The following SYN3 variants were observed in gnomAD, a reference collection of about 807,000 sequenced individuals.
SYN3 encodes synapsin III.
In SYN3, 35 loss-of-function variants were observed where a neutral mutation model predicts 65.8. That is an observed-to-expected ratio of 0.53 (90% CI 0.41 to 0.70). The LOEUF (loss-of-function observed/expected upper bound fraction) is 0.70, where lower values mean the gene tolerates loss of function less well. Among genes scored for constraint, SYN3 ranks in the 30% least tolerant of loss-of-function variants. The probability of loss-of-function intolerance (pLI) is 0.00; values close to 1 mark genes in which losing one functional copy is unlikely to be tolerated. For missense variants in SYN3, 680 were observed against 749.0 expected (o/e 0.91, Z 1.08); for synonymous variants, 270 against 292.9 (o/e 0.92, Z 0.80).
intron 6 of SYN3, among the ~76,000 whole-genome samples, chr22:32,826,116 T>G (rs2047404427): frequency 6.6e-6 from 1 of 152,208 alleles, no homozygotes; most frequent in African/African-American, 2.4e-5. Context: ...TTTAGTGAAG[T>G]TGTATTACTT....
intron 6 of SYN3, among the ~76,000 whole-genome samples, chr22:32,805,387 C>T (rs1030929103): frequency 6.6e-6 from 1 of 152,194 alleles, no homozygotes; most frequent in African/African-American, 2.4e-5. Flanking sequence ...GATCCATCCC[C>T]TCTCCCTCTT....
At chr22:32,975,590 C>T (rs2052161309) in intron 3 of SYN3, among the ~76,000 whole-genome samples, 1 of 152,154 alleles carries the variant, frequency 6.6e-6, no homozygotes, top group Admixed American at 6.5e-5. Flanking sequence ...CTGCAACCAG[C>T]CGAACCTGCA....
intron 4 of SYN3, among the ~76,000 whole-genome samples, chr22:32,903,135 T>C (rs1391699002): frequency 1.3e-5 from 2 of 152,030 alleles, no homozygotes; most frequent in Non-Finnish European, 2.9e-5. Context: ...AGCTATAGAG[T>C]CCATGCTCTG....
intron 6 of SYN3, among the ~76,000 whole-genome samples, chr22:32,856,758 T>TA (rs1209825063): frequency 2.0e-5 from 3 of 152,318 alleles, no homozygotes; most frequent in African/African-American, 7.2e-5. Context: ...CACTGGGTCT[T>TA]ACTTGTTCTG....
chr22:32,543,077 C>T (rs2058284331), intron 7 of SYN3, among the ~76,000 whole-genome samples: 1 of 152,140 alleles, frequency 6.6e-6, no homozygotes, highest in Non-Finnish European at 1.5e-5. Context: ...CACGTCCTTC[C>T]GATCTTCCTC....
At chr22:32,667,782 T>TTTTC (rs370360732) in intron 6 of SYN3, among the ~76,000 whole-genome samples, 7 of 146,752 alleles carry the variant, frequency 4.8e-5, no homozygotes, top group East Asian at 4.2e-4. Context: ...AGGAGATCAC[T>TTTTC]TTTCTTTCTT....
At chr22:32,870,237 TAAC>T (rs898376486) in intron 4 of SYN3, among the ~76,000 whole-genome samples, 2 of 152,228 alleles carry the variant, frequency 1.3e-5, no homozygotes, top group African/African-American at 4.8e-5. Flanking sequence ...AGGAAACTCC[TAAC>T]AACCTTTGTA....
At chr22:32,778,524 C>T (rs2045960993) in intron 6 of SYN3, among the ~76,000 whole-genome samples, 1 of 152,082 alleles carries the variant, frequency 6.6e-6, no homozygotes, top group African/African-American at 2.4e-5. Context: ...GAACTCCTGA[C>T]CTTGTGATCC....
At chr22:32,604,848 G>A (rs569595642) in intron 6 of SYN3, among the ~76,000 whole-genome samples, 22 of 148,802 alleles carry the variant, frequency 1.5e-4, no homozygotes, top group East Asian at 7.8e-4. Context: ...TACTAAAAAT[G>A]CAAAAAAATT....
chr22:32,711,305 C>T (rs553014947), intron 6 of SYN3, among the ~76,000 whole-genome samples: 1 of 152,206 alleles, frequency 6.6e-6, no homozygotes, highest in South Asian at 2.1e-4. Flanking sequence ...CATGGGGAGA[C>T]GATCTGAACC....
At chr22:32,785,755 C>G (rs1400252552) in intron 6 of SYN3, among the ~76,000 whole-genome samples, 4 of 152,138 alleles carry the variant, frequency 2.6e-5, no homozygotes, top group Admixed American at 6.6e-5. Flanking sequence ...CACTCATGGC[C>G]CGCTGAGATG....
At chr22:32,757,206 G>A (rs1386998737) in intron 6 of SYN3, among the ~76,000 whole-genome samples, 1 of 151,974 alleles carries the variant, frequency 6.6e-6, no homozygotes, top group Non-Finnish European at 1.5e-5. Context: ...TAGTTCCAGA[G>A]GGAGGAACAC....
rs1395529000 is a variant in SYN3, at chr22:33,045,216, G to A, written c.-163+13076C>T. On this transcript the variant is annotated intron_variant, in intron 1 of 13. Coordinates refer to ENST00000358763, the MANE Select transcript of SYN3 (RefSeq NM_003490.4). ...GCTAGCCTTGCAAACCTGACACTTA[G>A]TAATTTGGCCCTCACCTCTGCTCCC... Among the ~76,000 whole-genome samples, 4 of 152,136 alleles carry A rather than the reference G, an allele frequency of 2.6e-5. No homozygotes were observed. The East Asian group carries it at 7.7e-4, about 29-fold the overall frequency.
At chr22:32,776,946 G>A (rs2045921924) in intron 6 of SYN3, among the ~76,000 whole-genome samples, 1 of 152,008 alleles carries the variant, frequency 6.6e-6, no homozygotes, top group South Asian at 2.1e-4. Context: ...AGTGCCCGTG[G>A]GTGAACTCAC....
chr22:32,724,411 C>A (rs1181432023), intron 6 of SYN3, among the ~76,000 whole-genome samples: 1 of 152,016 alleles, frequency 6.6e-6, no homozygotes, highest in Non-Finnish European at 1.5e-5. Context: ...GTCAGAAGAC[C>A]AGAGTTCAAC....
rs531387784 is a variant in SYN3, at chr22:32,926,336, A to G, written c.461+5054T>C. ...GTGCTATGAAGAAGTACATGAAAGT[A>G]TATATTTAGCATTATTCTCCTAATC... On this transcript the variant is annotated intron_variant, in intron 4 of 13. Transcript: ENST00000358763. Among the ~76,000 whole-genome samples the G allele has an allele frequency of 4.6e-5, 7 of 152,352 alleles. No homozygotes were observed. The East Asian group carries it at 1.3e-3, about 29-fold the overall frequency.
intron 7 of SYN3, among the ~76,000 whole-genome samples, chr22:32,571,214 C>G (rs536901108): frequency 4.1e-4 from 63 of 152,110 alleles, no homozygotes; most frequent in Non-Finnish European, 7.2e-4. Flanking sequence ...CAGAGCATCC[C>G]CCCTCCCCTT....
intron 4 of SYN3, among the ~76,000 whole-genome samples, chr22:32,905,897 C>G (rs1490371748): frequency 1.3e-5 from 2 of 152,242 alleles, no homozygotes; most frequent in Non-Finnish European, 2.9e-5. Context: ...GAAACCTCAG[C>G]TTGCAGGGCA....
At chr22:32,840,501 A>G (rs1218460510) in intron 6 of SYN3, among the ~76,000 whole-genome samples, 1 of 145,462 alleles carries the variant, frequency 6.9e-6, no homozygotes, top group East Asian at 2.3e-4. Context: ...GCCGCTCCCC[A>G]CCCCCAGCCC....
Sources: allele counts gnomAD v4.1 joint callset (sites outside exome capture counted in the v4.1 genomes callset), GRCh38; gene constraint gnomAD v4.1.1; transcripts MANE v1.5; gene names NCBI Gene and HGNC (gene_info 2026-07-23, HGNC 2026-07-21).